CNTN5: variants seen among roughly 807,000 people sequenced by gnomAD.
CNTN5 encodes the protein contactin-5.
Under a neutral mutation model 129.1 loss-of-function variants are expected in CNTN5, and 77 were observed. That is an observed-to-expected ratio of 0.60 (90% CI 0.50 to 0.72). CNTN5 has a LOEUF of 0.72. Among genes scored for constraint, CNTN5 ranks in the 30% least tolerant of loss-of-function variants. The pLI is 0.00. For synonymous variants in CNTN5, 509 were observed against 465.6 expected, an observed-to-expected ratio of 1.09 and a Z score of -1.20; for missense variants, 1,478 against 1,328.8, an observed-to-expected ratio of 1.11 and a Z score of -1.75.
At chr11:99,462,064 T>C (rs1030678223) in intron 2 of CNTN5, among the ~76,000 whole-genome samples, 2 of 152,186 alleles carry the variant, frequency 1.3e-5, no homozygotes, top group African/African-American at 4.8e-5. Context: ...ATATTTAGTT[T>C]CATTTAAATA....
chr11:99,414,996 C>T (rs1486044745), intron 2 of CNTN5, among the ~76,000 whole-genome samples: 1 of 152,134 alleles, frequency 6.6e-6, no homozygotes, highest in East Asian at 1.9e-4. Context: ...GTAAAACAGG[C>T]AACTCAATAT....
At chr11:99,508,686 C>CTTTCTTTTTTTTTTTTTTTTTTTTTTTTT (rs11281160) in intron 2 of CNTN5, among the ~76,000 whole-genome samples, 1 of 146,858 alleles carries the variant, frequency 6.8e-6, no homozygotes, top group African/African-American at 2.5e-5. Flanking sequence ...TCTTTTCTTT[C>CTTTCTTTTTTTTTTTTTTTTTTTTTTTTT]TTTTTTTTTT....
At chr11:99,916,629 A>C (rs1949796186) in intron 7 of CNTN5, among the ~76,000 whole-genome samples, 1 of 152,168 alleles carries the variant, frequency 6.6e-6, no homozygotes, top group African/African-American at 2.4e-5. Flanking sequence ...CAATTTAGTT[A>C]GTACTTTTTG....
At chr11:99,351,003 C>T (rs1011038943) in intron 2 of CNTN5, among the ~76,000 whole-genome samples, 6 of 151,898 alleles carry the variant, frequency 4.0e-5, no homozygotes, top group African/African-American at 1.5e-4. Context: ...GGGATCATCA[C>T]ACACCAAGGC....
intron 2 of CNTN5, among the ~76,000 whole-genome samples, chr11:99,488,374 T>G (rs1945905064): frequency 6.6e-6 from 1 of 152,036 alleles, no homozygotes; most frequent in Middle Eastern, 3.2e-3. Flanking sequence ...GGTTTCACCA[T>G]GTTGGTCAGG....
At chr11:99,053,979 A>C (rs1864530199) in intron 1 of CNTN5, among the ~76,000 whole-genome samples, 2 of 152,014 alleles carry the variant, frequency 1.3e-5, no homozygotes, top group Non-Finnish European at 2.9e-5. Flanking sequence ...TTTTTAGATG[A>C]ATAATTTTGC....
At chr11:99,966,838 G>T (rs1591495892) in intron 8 of CNTN5, among the ~76,000 whole-genome samples, 1 of 152,084 alleles carries the variant, frequency 6.6e-6, no homozygotes, top group Non-Finnish European at 1.5e-5. Context: ...TATTTATTCA[G>T]TTTATATGTT....
intron 8 of CNTN5, among the ~76,000 whole-genome samples, chr11:99,981,626 A>G (rs1938355392): frequency 1.3e-5 from 2 of 152,316 alleles, no homozygotes; most frequent in South Asian, 4.1e-4. Flanking sequence ...AATTAAAATT[A>G]ACCATCACAC....
intron 20 of CNTN5, 68 bp from the exon 21 acceptor site, chr11:100,308,291 C>T: frequency 7.2e-7 from 1 of 1,389,634 alleles, no homozygotes; most frequent in Admixed American, 2.3e-5. Context: ...TAACACCTGA[C>T]AGACTCAGGC....
intron 1 of CNTN5, among the ~76,000 whole-genome samples, chr11:99,101,106 G>A (rs538868344): frequency 7.4e-4 from 112 of 152,266 alleles, no homozygotes; most frequent in African/African-American, 2.7e-3. Context: ...TGGCAGGCAA[G>A]AGAGAGAAGG....
chr11:99,399,380 G>A (rs1010532375), intron 2 of CNTN5, among the ~76,000 whole-genome samples: 6 of 151,510 alleles, frequency 4.0e-5, no homozygotes, highest in African/African-American at 1.5e-4. Context: ...GATCAAGAAA[G>A]TAACTAAATT....
intron 13 of CNTN5, among the ~76,000 whole-genome samples, chr11:100,164,503 A>G (rs1947562147): frequency 6.6e-6 from 1 of 151,788 alleles, no homozygotes; most frequent in South Asian, 2.1e-4. Context: ...ACCTAGGTGA[A>G]TTAGAAAAAA....
chr11:100,166,115 G>A (rs990133436), intron 13 of CNTN5, among the ~76,000 whole-genome samples: 1 of 151,702 alleles, frequency 6.6e-6, no homozygotes, highest in Non-Finnish European at 1.5e-5. Context: ...CTGATTTCAT[G>A]AATCCCTTTA....
intron 24 of CNTN5, among the ~76,000 whole-genome samples, chr11:100,354,985 T>C (rs908636024): frequency 1.3e-5 from 2 of 151,734 alleles, no homozygotes; most frequent in African/African-American, 2.4e-5. Context: ...TATGACTTTA[T>C]TGTACACTGT....
chr11:99,736,175 A>G (rs919491442), intron 3 of CNTN5, among the ~76,000 whole-genome samples: 3 of 152,186 alleles, frequency 2.0e-5, no homozygotes, highest in Admixed American at 2.0e-4. Context: ...GAACTCTATT[A>G]CTTGCAGCTT....
At chr11:99,184,734 A>G (rs762628417) in intron 1 of CNTN5, among the ~76,000 whole-genome samples, 3 of 152,084 alleles carry the variant, frequency 2.0e-5, no homozygotes, top group Non-Finnish European at 4.4e-5. Flanking sequence ...AACAATGAAC[A>G]TCTGATTTTT....
At chr11:99,415,078 T>G (rs755379150) in intron 2 of CNTN5, among the ~76,000 whole-genome samples, 7 of 152,312 alleles carry the variant, frequency 4.6e-5, no homozygotes, top group Non-Finnish European at 1.0e-4. Flanking sequence ...TTTGGAATTA[T>G]AGGCGTGAAA....
intron 3 of CNTN5, among the ~76,000 whole-genome samples, chr11:99,638,585 TG>T (rs1352033343): frequency 5.3e-5 from 8 of 152,138 alleles, no homozygotes; most frequent in African/African-American, 1.9e-4. Context: ...GATACAATGG[TG>T]GTACAGGCAA....
chr11:99,123,040 T>C (rs1266226471), intron 1 of CNTN5, among the ~76,000 whole-genome samples: 3 of 152,190 alleles, frequency 2.0e-5, no homozygotes, highest in Admixed American at 2.0e-4. Context: ...GAACAAGTTA[T>C]ATTCTTTTGG....
Sources: gnomAD v4.1 joint callset for allele counts (sites outside exome capture counted in the v4.1 genomes callset) on GRCh38, gnomAD v4.1.1 for gene constraint, MANE v1.5 for transcripts, NCBI Gene and HGNC (gene_info 2026-07-23, HGNC 2026-07-21) for gene names.